The following DLG4 variants were observed in gnomAD, a reference collection of about 807,000 sequenced individuals.
DLG4 encodes the protein disks large homolog 4.
In DLG4, 7 loss-of-function variants were observed where a neutral mutation model predicts 93.8. That is an observed-to-expected ratio of 0.07 (90% CI 0.04 to 0.14). The LOEUF is 0.14. Ranked by LOEUF, DLG4 falls within the 10% of genes least tolerant of loss-of-function variation. The pLI, the probability that DLG4 is intolerant of heterozygous loss-of-function variation, is 1.00. For synonymous variants in DLG4, 341 were observed against 387.6 expected (o/e 0.88, Z 1.41); for missense variants, 545 against 992.9 (o/e 0.55, Z 6.06).
Position 7,193,071 on chromosome 17 carries a change from G to A in DLG4, c.1740C>T (p.Tyr580=), listed in dbSNP as rs35441057. The A allele has an allele frequency of 4.8e-3, 7,775 of 1,613,792 alleles. 24 individuals carry two copies. Among genetic ancestry groups the A allele is most frequent in the Non-Finnish European group, 5.7e-3 (6,690 of 1,179,778 alleles). The change falls in exon 17 of 20, where the codon TAC becomes TAT. Residue 580 remains tyrosine (Y), a synonymous_variant. Coordinates refer to ENST00000399506, the MANE Select transcript of DLG4 (RefSeq NM_001321075.3). This position sits in a 1 kb window ranked among gnomAD's most constrained non-coding sequence, Gnocchi z 6.7. Reference sequence around the variant, plus strand: ...TTTTCTCCCGGGACGACACAAAGTGGTAATCCCGGCCATCTATCTCATACT... The same window carrying A: ...TTTTCTCCCGGGACGACACAAAGTGATAATCCCGGCCATCTATCTCATACT... The part of the protein sequence containing the change: ...KREYEIDGRD[Y]HFVSSREKME...
In DLG4 at chr17:7,204,956, C is replaced by T. The variant is rs548762753; in HGVS notation, c.97-704G>A. ...CCCGGGGAGACCCACCTCCAGGAGG[C>T]CCTGTCGTCAGGACAACAGGGGGGT... On this transcript the variant is annotated intron_variant, in intron 2 of 19. Coordinates refer to ENST00000399506, the MANE Select transcript of DLG4 (RefSeq NM_001321075.3). 3.1e-3 allele frequency: 3,086 copies of T among 985,702 alleles called. 5 individuals are homozygous for T. The highest frequency in any genetic ancestry group is 3.5e-3 in the Non-Finnish European group (2,880 of 830,176). The allele number at this position is 985,702 out of a possible 1,614,324, so 61.1% of individuals were successfully genotyped here. A position where few individuals can be genotyped will look rare whatever the true frequency, so the allele number is the denominator to read the frequency against.
In DLG4 at chr17:7,193,916, C is replaced by T; in HGVS notation, c.1516-45G>A. 1 of 1,613,292 alleles carries T rather than the reference C, an allele frequency of 6.2e-7. No homozygotes were observed. Among genetic ancestry groups the T allele is most frequent in the Non-Finnish European group, 8.5e-7 (1 of 1,179,636 alleles). Reference sequence around the variant, plus strand: ...CACGGGGTTAGTTATGAGCTCAGCTCCATGAGCCCTCACACTTCCACCCAG... The same window carrying T: ...CACGGGGTTAGTTATGAGCTCAGCTTCATGAGCCCTCACACTTCCACCCAG... On this transcript the variant is annotated intron_variant, in intron 13 of 19. Coordinates refer to ENST00000399506, the MANE Select transcript of DLG4 (RefSeq NM_001321075.3). This position sits in a 1 kb window ranked among gnomAD's most constrained non-coding sequence, Gnocchi z 6.7.
upstream of DLG4, chr17:7,219,236 C>A: frequency 2.8e-6 from 1 of 356,472 alleles, no homozygotes; most frequent in Non-Finnish European, 4.4e-6. Context: ...TGGGGTTTTA[C>A]GGGTAAGAGG....
Position 7,208,352 on chromosome 17 carries a change from G to A in DLG4, c.31-113C>T. The A allele has an allele frequency of 1.1e-6, 1 of 926,956 alleles. No homozygotes were observed. The highest frequency in any genetic ancestry group is 1.5e-6 in the Non-Finnish European group (1 of 684,212). 57.4% of individuals were successfully genotyped at this position (926,956 alleles called of 1,614,324 possible). A position where few individuals can be genotyped will look rare whatever the true frequency, so the allele number is the denominator to read the frequency against. ...CCAGTGCAGTGCGGAAGGCCCTGGG[G>A]CCTGACCAGCTCCTCCCCCTCCCTC... On this transcript the variant is annotated intron_variant, in intron 1 of 19. Transcript: ENST00000399506. The surrounding 1 kb of genome is among the most constrained non-coding windows in gnomAD (Gnocchi z 5.4).
intron 8 of DLG4, among the ~76,000 whole-genome samples, chr17:7,199,490 C>T (rs1214437571): frequency 3.9e-5 from 6 of 151,980 alleles, no homozygotes; most frequent in Admixed American, 2.6e-4. Flanking sequence ...CATGAGCCAC[C>T]GCGCCCAGCC....
Position 7,217,586 on chromosome 17 carries a change from C to T in DLG4, c.-439G>A, listed in dbSNP as rs915054820. 5.2e-6 allele frequency: 7 copies of T among 1,347,836 alleles called. No individual in the cohort carries two copies. Among genetic ancestry groups the T allele is most frequent in the South Asian group, 2.9e-5 (2 of 67,976 alleles). 83.5% of individuals were successfully genotyped at this position (1,347,836 alleles called of 1,614,324 possible). A position where few individuals can be genotyped will look rare whatever the true frequency, so the allele number is the denominator to read the frequency against. ...TGGGGGGGTTGGAAACGGCAGCGGC[C>T]GAGGGAGCCGTGGAGCCGAAGAGGG... On this transcript the variant is annotated 5_prime_UTR_variant, in exon 1 of 20. Transcript: ENST00000399506.
chr17:7,217,711 G>C, upstream of DLG4: 9 of 1,534,716 alleles, frequency 5.9e-6, no homozygotes, highest in Non-Finnish European at 7.9e-6. Flanking sequence ...CTTCTGTGCT[G>C]GCAGGAACCC....
intron 1 of DLG4, among the ~76,000 whole-genome samples, chr17:7,214,536 C>T (rs961981654): frequency 6.6e-6 from 1 of 152,342 alleles, no homozygotes; most frequent in African/African-American, 2.4e-5. Context: ...GCCCCGCCCC[C>T]GGCATCTCGG....
chr17:7,205,283 C>T (rs2070401451), intron 2 of DLG4: 1 of 635,720 alleles, frequency 1.6e-6, no homozygotes, highest in South Asian at 6.9e-5. Context: ...GCCCAGGTCC[C>T]TGACGTCAAT....
rs1292924486 is a variant in DLG4 at position 7,188,348 on chromosome 17, C to G, written c.*2360G>C. ...CCCTGGGTTGGTCTTTTGCATGAAACTCTCAACTTTAGTCAGGAGTGGCTA... is the reference window on the plus strand; with the variant it reads ...CCCTGGGTTGGTCTTTTGCATGAAAGTCTCAACTTTAGTCAGGAGTGGCTA... On this transcript the variant is annotated 3_prime_UTR_variant, in exon 20 of 20. Coordinates refer to ENST00000399506, the MANE Select transcript of DLG4 (RefSeq NM_001321075.3). 6.6e-6 allele frequency among the ~76,000 whole-genome samples: 1 copy of G among 152,174 alleles called. No individual in the cohort carries two copies.
intron 17 of DLG4, 177 bp from the exon 18 acceptor site, chr17:7,192,179 A>G (rs1002682076): frequency 2.2e-6 from 1 of 454,762 alleles, no homozygotes; most frequent in East Asian, 3.5e-5. Context: ...GTATGGACAG[A>G]GTAAAAGACA....
rs769940353 is a variant in DLG4, at chr17:7,193,140, C to T, written c.1694-23G>A. On this transcript the variant is annotated intron_variant, in intron 16 of 19. Transcript: ENST00000399506. The surrounding 1 kb of genome is among the most constrained non-coding windows in gnomAD (Gnocchi z 6.7). The stretch of plus-strand genomic sequence containing the variant: ...TATCTGCCAGGAAGTCACCCCACCC[C>T]CCAAAGATCTAACCACCATCCCTCT... 2 of 1,612,918 alleles carry T rather than the reference C, an allele frequency of 1.2e-6. No homozygotes were observed. Among genetic ancestry groups the T allele is most frequent in the Admixed American group, 1.7e-5 (1 of 59,970 alleles).
At chr17:7,212,440 AT>A (rs1354712271) in intron 1 of DLG4, among the ~76,000 whole-genome samples, 1 of 152,142 alleles carries the variant, frequency 6.6e-6, no homozygotes, top group Non-Finnish European at 1.5e-5. Flanking sequence ...TAGTGCAAAT[AT>A]TACTCTTGCT....
At position 7,203,467 on chromosome 17, in the gene DLG4, C is replaced by T. The variant is rs201426589; in HGVS notation, c.462G>A (p.Pro154=). The part of the protein sequence containing the change: ...VRLYVMRRKP[P]AEKVMEIKLI... ...GCTTGATCTCCATGACCTTCTCAGC[C>T]GGGGGCTTCCGGCGCATGACATAGA... Residue 154 remains proline, a synonymous_variant, in exon 6 of 20, where the codon CCG becomes CCA. Coordinates refer to ENST00000399506, the MANE Select transcript of DLG4 (RefSeq NM_001321075.3). This position sits in a 1 kb window ranked among gnomAD's most constrained non-coding sequence, Gnocchi z 7.2. 1,050 of 1,612,532 alleles carry T rather than the reference C, an allele frequency of 6.5e-4. 3 individuals carry two copies. The highest frequency in any genetic ancestry group is 3.0e-3 in the Middle Eastern group (18 of 6,056).
At chr17:7,212,499 C>T (rs770018661) in intron 1 of DLG4, among the ~76,000 whole-genome samples, 85 of 152,088 alleles carry the variant, frequency 5.6e-4, no homozygotes, top group Admixed American at 2.3e-3. Context: ...TTGGGGATCC[C>T]CTGTCCAAAC....
chr17:7,200,404 C>T (rs1191890765), intron 8 of DLG4, among the ~76,000 whole-genome samples: 1 of 152,130 alleles, frequency 6.6e-6, no homozygotes, highest in Admixed American at 6.6e-5. Flanking sequence ...ACAAATCTTA[C>T]ATTTCTTGTC....
intron 2 of DLG4, among the ~76,000 whole-genome samples, chr17:7,207,622 G>A (rs2070527353): frequency 6.6e-6 from 1 of 151,952 alleles, no homozygotes. Context: ...ATGGAGGTTG[G>A]GGGTGTGAAG....
chr17:7,192,304 C>T, intron 17 of DLG4: 1 of 380,648 alleles, frequency 2.6e-6, no homozygotes, highest in South Asian at 8.1e-5. Context: ...AGAGCCGGGG[C>T]AGCAGCGAGT....
chr17:7,211,073 T>C (rs1446791679), intron 1 of DLG4, among the ~76,000 whole-genome samples: 3 of 137,676 alleles, frequency 2.2e-5, no homozygotes, highest in African/African-American at 8.1e-5. Flanking sequence ...CTAGGTTCAG[T>C]CTCTGGAAAT....
Sources: gnomAD v4.1 joint callset for allele counts (sites outside exome capture counted in the v4.1 genomes callset) on GRCh38, gnomAD v4.1.1 for gene constraint, Gnocchi (gnomAD v3.1) non-coding constraint, MANE v1.5 for transcripts, NCBI Gene and HGNC (gene_info 2026-07-23, HGNC 2026-07-21) for gene names.